The following MYH10 variants were observed in gnomAD, a reference collection of about 807,000 sequenced individuals.
MYH10 encodes the protein myosin heavy chain 10.
Under a neutral mutation model 257.8 loss-of-function variants are expected in MYH10, and 55 were observed. The observed-to-expected ratio is 0.21, with a 90% confidence interval of 0.17 to 0.27. The LOEUF (loss-of-function observed/expected upper bound fraction) is 0.27. MYH10 is among the 10% of genes least tolerant of loss of function. MYH10 has a pLI of 1.00. For missense variants in MYH10, 1,631 were observed against 2,500.6 expected (o/e 0.65, Z 7.42); for synonymous variants, 854 against 921.7 (o/e 0.93, Z 1.33).
At chr17:8,510,001 C>T (rs1567821030) in intron 24 of MYH10, 52 bp from the exon 25 acceptor site, 1 of 1,525,680 alleles carries the variant, frequency 6.6e-7, no homozygotes, top group East Asian at 2.4e-5. Context: ...TTTGACCACA[C>T]ATTCATTGTG....
At chr17:8,539,808 C>T (rs9896797) in intron 14 of MYH10, among the ~76,000 whole-genome samples, 61,595 of 151,700 alleles carry the variant, frequency 0.41, 12,499 homozygotes, top group East Asian at 0.5. Flanking sequence ...AGGCTGGTCT[C>T]GAACTCCTGG....
At chr17:8,489,746 C>CACACACACACACACACACACACACA (rs1451899373) in intron 35 of MYH10, among the ~76,000 whole-genome samples, 43 of 149,562 alleles carry the variant, frequency 2.9e-4, no homozygotes, top group African/African-American at 5.2e-4. Context: ...CACACACACA[C>CACACACACACACACACACACACACA]CCCAAATCCA....
In MYH10 at chr17:8,545,369, G is replaced by A; in HGVS notation, c.1431+79C>T. 1 of 1,498,220 alleles carries A rather than the reference G, an allele frequency of 6.7e-7. No individual in the cohort carries two copies. Among genetic ancestry groups the A allele is most frequent in the Non-Finnish European group, 9.2e-7 (1 of 1,088,006 alleles). 92.8% of individuals were successfully genotyped at this position (1,498,220 alleles called of 1,614,324 possible). ...GTATCCCTGGTGCCTCGTATGTACT[G>A]GGCACACAGTAAGCCTTCATATTTG... On this transcript the variant is annotated intron_variant, in intron 13 of 42. Transcript: ENST00000360416. This position sits in a 1 kb window ranked among gnomAD's most constrained non-coding sequence, Gnocchi z 4.7.
chr17:8,623,093 C>G lies in MYH10; in HGVS notation c.154G>C (p.Glu52Gln). ...ACCATAACTTCATCTCCCCGTTCTT[C>G]TTTGATACTAGCTGCCTCAAAACCA... ...RHGFEAASIKEERGDEVMVEL... is the reference protein window; with the variant it reads ...RHGFEAASIKQERGDEVMVEL... The change falls in exon 2 of 43, where the codon GAA becomes CAA. Residue 52 changes from glutamate (E) to glutamine (Q), a missense_variant. Glu to Gln is a conservative substitution (Grantham distance 29). Coordinates refer to ENST00000360416, the MANE Select transcript of MYH10 (RefSeq NM_001256012.3). The G allele has an allele frequency of 6.2e-7, 1 of 1,614,110 alleles. No homozygotes were observed. The highest frequency in any genetic ancestry group is 8.5e-7 in the Non-Finnish European group (1 of 1,180,026).
chr17:8,609,359 G>A (rs2084938654), intron 2 of MYH10, among the ~76,000 whole-genome samples: 1 of 150,296 alleles, frequency 6.7e-6, no homozygotes, highest in South Asian at 2.2e-4. Context: ...AGAAGGAAAG[G>A]GAGGAAGGAA....
In MYH10 at chr17:8,558,742, A is replaced by G. The variant is rs1425847178; in HGVS notation, c.757-4724T>C. On this transcript the variant is annotated intron_variant, in intron 7 of 42. Transcript: ENST00000360416. ...TGAATATACAAAATTCTGATAGCTC[A>G]TATTTTGTTGACAAGAGAAAGATCT... 3.9e-5 allele frequency among the ~76,000 whole-genome samples: 6 copies of G among 152,358 alleles called. No individual in the cohort carries two copies. The East Asian group carries it at 1.2e-3, about 29-fold the overall frequency.
At chr17:8,587,626 C>T (rs1167802664) in intron 4 of MYH10, among the ~76,000 whole-genome samples, 1 of 152,136 alleles carries the variant, frequency 6.6e-6, no homozygotes, top group Non-Finnish European at 1.5e-5. Flanking sequence ...ACACCCAACC[C>T]CTGTGCTCTG....
chr17:8,492,631 C>CTTTTTTTTTTTTTTTTTTTTTTTCCT, intron 33 of MYH10, 122 bp from the exon 34 acceptor site: 1 of 949,304 alleles, frequency 1.1e-6, no homozygotes, highest in Non-Finnish European at 1.5e-6. Context: ...CTTGTATTTC[C>CTTTTTTTTTTTTTTTTTTTTTTTCCT]TTTTTTTTTT....
chr17:8,595,575 G>A (rs914191285), intron 3 of MYH10, among the ~76,000 whole-genome samples: 2 of 151,964 alleles, frequency 1.3e-5, no homozygotes, highest in African/African-American at 4.8e-5. Flanking sequence ...TGGGATTACA[G>A]GAATTCGCCA....
intron 33 of MYH10, 86 bp from the exon 34 acceptor site, chr17:8,492,595 G>A: frequency 1.5e-6 from 2 of 1,378,260 alleles, no homozygotes; most frequent in Admixed American, 4.9e-5. Context: ...TTTATCGCTA[G>A]AGTGCTGCCA....
At chr17:8,524,269 T>C (rs577968467) in intron 17 of MYH10, among the ~76,000 whole-genome samples, 40 of 151,862 alleles carry the variant, frequency 2.6e-4, no homozygotes, top group African/African-American at 7.5e-4. Context: ...GGTGAAAACC[T>C]GTCTCTACTA....
rs398030291 is a variant in MYH10 at position 8,590,873 on chromosome 17, C to CTTTTTTTTTTTTTT, written c.503-1779_503-1766dup. On this transcript the variant is annotated intron_variant, in intron 3 of 42. Transcript: ENST00000360416. Reference sequence around the variant, plus strand: ...TCTCCCTCAGGTTTCTCAATGTCGCCTTTTTTTTTTTTTTTTTGAGATGGA... The same window carrying CTTTTTTTTTTTTTT: ...TCTCCCTCAGGTTTCTCAATGTCGCCTTTTTTTTTTTTTTTTTTTTTTTTTTTTTTTGAGATGGA... Among the ~76,000 whole-genome samples the CTTTTTTTTTTTTTT allele has an allele frequency of 5.8e-4, 52 of 90,098 alleles. 3 individuals are homozygous for CTTTTTTTTTTTTTT. The highest frequency in any genetic ancestry group is 1.1e-3 in the Admixed American group (6 of 5,534). 59.1% of individuals were successfully genotyped at this position (90,098 alleles called of 152,430 possible). A position where few individuals can be genotyped will look rare whatever the true frequency, so the allele number is the denominator to read the frequency against.
intron 6 of MYH10, among the ~76,000 whole-genome samples, chr17:8,572,257 TGAGTGAGAGAGAGAGA>T (rs1326170559): frequency 2.1e-5 from 2 of 97,016 alleles, no homozygotes; most frequent in African/African-American, 7.6e-5. Context: ...TGTGTGTGTG[TGAGTGAGAGAGAGAGA>T]GAGAGAGAGA....
Position 8,512,446 on chromosome 17 carries a change from C to T in MYH10, c.2952+5G>A, listed in dbSNP as rs1171041803. 1.2e-6 allele frequency: 2 copies of T among 1,602,282 alleles called. No homozygotes were observed. Among genetic ancestry groups the T allele is most frequent in the African/African-American group, 1.3e-5 (1 of 74,160 alleles). ...ATGCTTCTAAGTAAAAATTATTATACATACCTGAATATGTGCTTGCATTTT... is the reference window on the plus strand; with the variant it reads ...ATGCTTCTAAGTAAAAATTATTATATATACCTGAATATGTGCTTGCATTTT... On this transcript the variant is annotated splice_donor_5th_base_variant and intron_variant, in intron 24 of 42. Transcript: ENST00000360416.
At chr17:8,578,651 T>G (rs921818080) in intron 4 of MYH10, among the ~76,000 whole-genome samples, 3 of 152,340 alleles carry the variant, frequency 2.0e-5, no homozygotes, top group African/African-American at 7.2e-5. Flanking sequence ...CAAGCAAGGC[T>G]GGCACATTTC....
chr17:8,535,987 T>C lies in MYH10; in HGVS notation c.1606-56A>G. On this transcript the variant is annotated intron_variant, in intron 14 of 42. Coordinates refer to ENST00000360416, the MANE Select transcript of MYH10 (RefSeq NM_001256012.3). The surrounding 1 kb of genome is among the most constrained non-coding windows in gnomAD (Gnocchi z 4.3). ...GTTTTGCATGCCACTTTAATACTAC[T>C]GAGTCTGGCACTTAAACTTCTAAAA... 1.3e-6 allele frequency: 2 copies of C among 1,499,066 alleles called. No homozygotes were observed. The highest frequency in any genetic ancestry group is 1.8e-6 in the Non-Finnish European group (2 of 1,091,334). 92.9% of individuals were successfully genotyped at this position (1,499,066 alleles called of 1,614,324 possible). A position where few individuals can be genotyped will look rare whatever the true frequency, so the allele number is the denominator to read the frequency against.
chr17:8,549,365 A>C (rs1306935993), intron 9 of MYH10, among the ~76,000 whole-genome samples: 2 of 152,240 alleles, frequency 1.3e-5, no homozygotes, highest in Non-Finnish European at 2.9e-5. Context: ...GATGTGGCGC[A>C]GCAGACTATT....
chr17:8,560,077 A>G (rs2082935838), intron 7 of MYH10, among the ~76,000 whole-genome samples: 2 of 152,224 alleles, frequency 1.3e-5, no homozygotes, highest in Non-Finnish European at 2.9e-5. Flanking sequence ...ACTAAAAAAA[A>G]ATTCTTTATA....
rs1159021716 is a variant in MYH10 at position 8,553,964 on chromosome 17, T to C, written c.811A>G (p.Ile271Val). The C allele has an allele frequency of 6.2e-7, 1 of 1,612,802 alleles. No individual in the cohort carries two copies. The highest frequency in any genetic ancestry group is 8.5e-7 in the Non-Finnish European group (1 of 1,179,120). The change falls in exon 8 of 43, where the codon ATT becomes GTT. Residue 271 changes from isoleucine (I) to valine (V), a missense_variant. Ile to Val is a conservative substitution (Grantham distance 29). This residue lies in a region of MYH10 where 360 missense variants were observed against 581.9 expected (regional missense o/e 0.62). Transcript: ENST00000360416. ...DVTGYIVGAN[I>V]ETYLLEKSRA... ...TTATGAAAAAGGATACATGTTTCAA[T>C]GTTGGCCCCAACGATATAGCCAGTT...
Sources: gnomAD v4.1 joint callset for allele counts (sites outside exome capture counted in the v4.1 genomes callset) on GRCh38, gnomAD v4.1.1 for gene constraint, gnomAD v4.1.1 regional missense constraint, Gnocchi (gnomAD v3.1) non-coding constraint, MANE v1.5 for transcripts, NCBI Gene and HGNC (gene_info 2026-07-23, HGNC 2026-07-21) for gene names.